Variants in SAMD5 observed in about 807,000 individuals in gnomAD.
The protein encoded by SAMD5 is sterile alpha motif domain containing 5.
A neutral mutation model predicts 11.3 loss-of-function variants in SAMD5; 13 were observed. The observed-to-expected ratio is 1.15, with a 90% CI of 0.75 to 1.83. The LOEUF (loss-of-function observed/expected upper bound fraction) is 1.83. Among genes scored for constraint, SAMD5 ranks in the 40% most tolerant of loss-of-function variants. The pLI is 0.00. For synonymous variants in SAMD5, 129 were observed against 111.3 expected (o/e 1.16, Z -1.00); for missense variants, 255 against 239.1 (o/e 1.07, Z -0.44).
chr6:147,645,359 C>T (rs924258391), intron 1 of SAMD5, among the ~76,000 whole-genome samples: 7 of 152,138 alleles, frequency 4.6e-5, no homozygotes, highest in African/African-American at 1.7e-4. Flanking sequence ...GGAAATCATT[C>T]TCAAGAAATA....
At chr6:147,816,364 G>T in the SAMD5 span, among the ~76,000 whole-genome samples, 1 of 125,736 alleles carries the variant, frequency 8.0e-6, no homozygotes, top group Non-Finnish European at 1.6e-5. Flanking sequence ...AATATATGCA[G>T]TTTATATATA....
At chr6:147,528,752 TCTC>T (rs1399065198) in intron 1 of SAMD5, among the ~76,000 whole-genome samples, 1 of 152,188 alleles carries the variant, frequency 6.6e-6, no homozygotes, top group Non-Finnish European at 1.5e-5. Flanking sequence ...GTGAAAGTGG[TCTC>T]CTCTAAATAG....
chr6:147,893,166 C>A, the SAMD5 span, among the ~76,000 whole-genome samples: 1 of 150,620 alleles, frequency 6.6e-6, no homozygotes, highest in Non-Finnish European at 1.5e-5. Context: ...CACGCTATTG[C>A]ACTCCAGCCT....
chr6:147,890,647 C>T, the SAMD5 span, among the ~76,000 whole-genome samples: 1 of 152,080 alleles, frequency 6.6e-6, no homozygotes, highest in Admixed American at 6.5e-5. Context: ...GCTTGAGCCA[C>T]TGTGCCAGGC....
intron 1 of SAMD5, among the ~76,000 whole-genome samples, chr6:147,690,101 T>C (rs1463121008): frequency 1.3e-5 from 2 of 152,186 alleles, no homozygotes; most frequent in Admixed American, 6.5e-5. Flanking sequence ...GTTGGAGACA[T>C]GTTATAAGTA....
At chr6:147,783,545 C>T in the SAMD5 span, among the ~76,000 whole-genome samples, 2 of 151,980 alleles carry the variant, frequency 1.3e-5, no homozygotes, top group African/African-American at 4.8e-5. Context: ...AGATGCCCAC[C>T]ACCACGCCTG....
At chr6:147,936,082 G>A in the SAMD5 span, among the ~76,000 whole-genome samples, 1 of 152,146 alleles carries the variant, frequency 6.6e-6, no homozygotes, top group Non-Finnish European at 1.5e-5. Context: ...TCAAGAGAGA[G>A]TAAAGTCACA....
At chr6:147,589,819 T>C (rs1789428311) in intron 1 of SAMD5, among the ~76,000 whole-genome samples, 1 of 152,180 alleles carries the variant, frequency 6.6e-6, no homozygotes, top group Non-Finnish European at 1.5e-5. Context: ...GCCTAACACA[T>C]AGTCAGCACT....
At chr6:147,617,776 C>A (rs1225884101) in intron 1 of SAMD5, among the ~76,000 whole-genome samples, 1 of 152,178 alleles carries the variant, frequency 6.6e-6, no homozygotes, top group Admixed American at 6.5e-5. Context: ...GCAAATACTT[C>A]CAATGGCATC....
chr6:147,800,518 CT>C, the SAMD5 span, among the ~76,000 whole-genome samples: 1 of 152,160 alleles, frequency 6.6e-6, no homozygotes, highest in African/African-American at 2.4e-5. Flanking sequence ...ACTGCTGTCT[CT>C]TTGTTTGTCT....
At chr6:147,806,318 GCACA>G in the SAMD5 span, among the ~76,000 whole-genome samples, 1,110 of 68,114 alleles carry the variant, frequency 0.016, 16 homozygotes, top group African/African-American at 0.047. Context: ...GCGCGCGCGC[GCACA>G]CACACACACA....
intron 1 of SAMD5, among the ~76,000 whole-genome samples, chr6:147,689,999 G>A (rs773286798): frequency 3.3e-5 from 5 of 152,208 alleles, no homozygotes; most frequent in Non-Finnish European, 7.3e-5. Flanking sequence ...GATCTGCACA[G>A]TGGGGCCTAT....
the SAMD5 span, among the ~76,000 whole-genome samples, chr6:147,785,967 C>A: frequency 1.3e-5 from 2 of 152,114 alleles, no homozygotes; most frequent in Admixed American, 6.6e-5. Context: ...ATTCTCCTGG[C>A]GGTTCTTGCA....
Position 147,702,571 on chromosome 6 carries a change from C to A in SAMD5, c.163-34746C>A, listed in dbSNP as rs564731218. Among the ~76,000 whole-genome samples the A allele has an allele frequency of 1.4e-3, 220 of 152,260 alleles. 1 individual carries two copies. Among genetic ancestry groups the A allele is most frequent in the African/African-American group, 5.0e-3 (207 of 41,538 alleles). On this transcript the variant is annotated intron_variant, in intron 1 of 1. Coordinates refer to the SAMD5 transcript ENST00000566741. Reference sequence around the variant, plus strand: ...GGTGTGTGAAGGTTATTGCTTAATACAAATAATTTGGGAAGCTAGAGAATT... The same window carrying A: ...GGTGTGTGAAGGTTATTGCTTAATAAAAATAATTTGGGAAGCTAGAGAATT...
the SAMD5 span, among the ~76,000 whole-genome samples, chr6:147,880,267 CCTCT>C: frequency 6.7e-5 from 10 of 149,252 alleles, no homozygotes; most frequent in African/African-American, 9.8e-5. Flanking sequence ...CAAGTCAGTT[CCTCT>C]CTCTCTCTCT....
chr6:147,694,528 C>T (rs1028701818), intron 1 of SAMD5, among the ~76,000 whole-genome samples: 5 of 152,116 alleles, frequency 3.3e-5, no homozygotes, highest in Admixed American at 1.3e-4. Flanking sequence ...GTTGATTTAT[C>T]CAGTCAGCAT....
the SAMD5 span, among the ~76,000 whole-genome samples, chr6:147,777,070 A>G: frequency 6.6e-6 from 1 of 152,138 alleles, no homozygotes; most frequent in Non-Finnish European, 1.5e-5. Context: ...AAAATAGATT[A>G]ATTTCATACT....
At chr6:147,867,904 G>A in the SAMD5 span, among the ~76,000 whole-genome samples, 2 of 152,118 alleles carry the variant, frequency 1.3e-5, no homozygotes, top group South Asian at 4.1e-4. Flanking sequence ...ATTCCCTCTG[G>A]GGTGTTCTCA....
intron 1 of SAMD5, among the ~76,000 whole-genome samples, chr6:147,557,623 G>A (rs1788878548): frequency 6.6e-6 from 1 of 152,098 alleles, no homozygotes; most frequent in Non-Finnish European, 1.5e-5. Context: ...TTAGATTCAG[G>A]GCCCACCCTA....
Sources: gnomAD v4.1 joint callset for allele counts (sites outside exome capture counted in the v4.1 genomes callset) on GRCh38, gnomAD v4.1.1 for gene constraint, MANE v1.5 for transcripts, NCBI Gene and HGNC (gene_info 2026-07-23, HGNC 2026-07-21) for gene names.